Variants in IQGAP3 observed in about 807,000 individuals in gnomAD.
The protein encoded by IQGAP3 is ras GTPase-activating-like protein IQGAP3.
A neutral mutation model predicts 208.2 loss-of-function variants in IQGAP3; 165 were observed. The observed-to-expected ratio is 0.79, with a 90% confidence interval of 0.70 to 0.90. IQGAP3 has a LOEUF of 0.90. Among genes scored for constraint, IQGAP3 ranks in the 40% least tolerant of loss-of-function variants. IQGAP3 has a pLI of 0.00. For synonymous variants in IQGAP3, 703 were observed against 803.6 expected, an observed-to-expected ratio of 0.87 and a Z score of 2.12; for missense variants, 1,811 against 2,043.1, an observed-to-expected ratio of 0.89 and a Z score of 2.19.
Position 156,544,406 on chromosome 1 carries a change from G to T in IQGAP3, c.2371C>A (p.Leu791Met), listed in dbSNP as rs776340725. 8.1e-6 allele frequency: 13 copies of T among 1,613,682 alleles called. No individual in the cohort carries two copies. Among genetic ancestry groups the T allele is most frequent in the Non-Finnish European group, 1.0e-5 (12 of 1,179,730 alleles). The change falls in exon 20 of 38, where the codon CTG becomes ATG. Residue 791 changes from leucine to methionine, a missense_variant. By Grantham distance (15) the Leu-to-Met change is conservative (BLOSUM62 2). Coordinates refer to ENST00000361170, the MANE Select transcript of IQGAP3 (RefSeq NM_178229.5). ...GTAGCTACCTTGATTATGGCATCCA[G>T]GTTTGCTTTAAAATACTGCAACCAC... ...LEWLQYFKAN[L>M]DAIIKIQAWA... is the part of the protein sequence containing the mutation.
intron 2 of IQGAP3, among the ~76,000 whole-genome samples, chr1:156,568,607 C>T (rs752117425): frequency 1.6e-4 from 25 of 152,176 alleles, no homozygotes; most frequent in Admixed American, 7.2e-4. Flanking sequence ...GTGGCCTCCT[C>T]GACCTCCCAG....
intron 13 of IQGAP3, 92 bp downstream of exon 13, chr1:156,554,143 C>G: frequency 4.8e-6 from 7 of 1,450,532 alleles, no homozygotes; most frequent in Non-Finnish European, 5.6e-6. Context: ...AATGGGACAT[C>G]GTACACAAGG....
intron 13 of IQGAP3, among the ~76,000 whole-genome samples, chr1:156,552,752 C>T (rs116711026): frequency 0.011 from 1,727 of 152,328 alleles, 10 homozygotes; most frequent in Middle Eastern, 0.024. Flanking sequence ...AGTCAGTTCT[C>T]AGCACAGCAG....
intron 33 of IQGAP3, 24 bp from the exon 34 acceptor site, chr1:156,530,341 G>T (rs1286359620): frequency 6.3e-7 from 1 of 1,587,022 alleles, no homozygotes; most frequent in Non-Finnish European, 8.5e-7. Flanking sequence ...GACGCTGGAG[G>T]GGTCTACCAG....
intron 35 of IQGAP3, 88 bp downstream of exon 35, chr1:156,528,828 C>G (rs998294814): frequency 6.8e-7 from 1 of 1,479,550 alleles, no homozygotes; most frequent in African/African-American, 1.4e-5. Context: ...ATTCCCCTTT[C>G]AAAGCTGGGA....
rs762587862 is a variant in IQGAP3, at chr1:156,537,251, C to T, written c.3352G>A (p.Ala1118Thr). 1.6e-5 allele frequency: 26 copies of T among 1,613,968 alleles called. No homozygotes were observed. Among genetic ancestry groups the T allele is most frequent in the South Asian group, 7.7e-5 (7 of 91,058 alleles). ...HPEVQRRLDIALRNLLAMTDK... is the reference protein window; with the variant it reads ...HPEVQRRLDITLRNLLAMTDK... The stretch of plus-strand genomic sequence containing the variant: ...GTCATGGCGAGGAGGTTGCGTAGGG[C>T]GATGTCCAGTCGTCTCTGGACCTCG... Residue 1118 changes from alanine (A) to threonine (T), a missense_variant, in exon 27 of 38, where the codon GCC (alanine) becomes ACC (threonine). Physicochemically the swap from Ala to Thr is moderately conservative, Grantham distance 58 (BLOSUM62 0). Transcript: ENST00000361170.
intron 22 of IQGAP3, among the ~76,000 whole-genome samples, chr1:156,541,584 A>C (rs150575251): frequency 6.6e-6 from 1 of 152,322 alleles, no homozygotes; most frequent in East Asian, 1.9e-4. Context: ...TAAGTACTTT[A>C]CGTACTTAAG....
intron 32 of IQGAP3, among the ~76,000 whole-genome samples, 198 bp downstream of exon 32, chr1:156,532,782 G>A (rs1359907313): frequency 3.9e-5 from 6 of 152,130 alleles, no homozygotes; most frequent in African/African-American, 1.4e-4. Context: ...GTACAACACA[G>A]AGCAAAAAGC....
chr1:156,540,741 A>G lies in IQGAP3; in HGVS notation c.2706T>C (p.Ile902=), dbSNP rs1300731008. 1 of 1,614,006 alleles carries G rather than the reference A, an allele frequency of 6.2e-7. No individual in the cohort carries two copies. Among genetic ancestry groups the G allele is most frequent in the East Asian group, 2.2e-5 (1 of 44,890 alleles). Residue 902 remains isoleucine (I), a synonymous_variant, in exon 23 of 38, where the codon ATT becomes ATC. Coordinates refer to ENST00000361170, the MANE Select transcript of IQGAP3 (RefSeq NM_178229.5). ...TGATCCGGTTCTTCACCAGCAGGCC[A>G]ATCTTGATGTCCATGATGTTGAGGT... ...EQDLNIMDIK[I]GLLVKNRITL...
chr1:156,569,127 T>C (rs966683773), intron 2 of IQGAP3, among the ~76,000 whole-genome samples: 1 of 152,096 alleles, frequency 6.6e-6, no homozygotes, highest in African/African-American at 2.4e-5. Context: ...TTTAGTTGGA[T>C]ATTATAATGG....
chr1:156,557,549 T>C (rs1571351921), intron 11 of IQGAP3, among the ~76,000 whole-genome samples: 1 of 71,996 alleles, frequency 1.4e-5, no homozygotes, highest in Non-Finnish European at 3.0e-5. Flanking sequence ...AGCCGCCCCG[T>C]CCGGGAGGGA....
At chr1:156,564,733 A>C (rs4661184) in intron 4 of IQGAP3, 42 bp from the exon 5 acceptor site, 959,916 of 1,443,152 alleles carry the variant, frequency 0.67, 325,185 homozygotes, top group Non-Finnish European at 0.71. Context: ...GGGAACCTTT[A>C]AGCACCACCA....
At position 156,563,304 on chromosome 1, in the gene IQGAP3, C is replaced by T; in HGVS notation, c.628G>A (p.Ala210Thr). 6.3e-7 allele frequency: 1 copy of T among 1,597,944 alleles called. No individual in the cohort carries two copies. ...ACTGCTTCATTGATGGCAAGAACAG[C>T]TGCATGGACTGGGAGAGGGCATGGA... Reference protein sequence around the residue: ...LSVDEAAVHAAVLAINEAVER... With the variant: ...LSVDEAAVHATVLAINEAVER... The change falls in exon 8 of 38, where the codon GCT becomes ACT. Residue 210 changes from alanine (A) to threonine (T), a missense_variant. Transcript: ENST00000361170.
rs1435104158 is a variant in IQGAP3, at chr1:156,548,471, C to T, written c.2010G>A (p.Trp670Ter). ...TGCCATCCTTCATGTCATGTTGAACCCAGAAAGCTGTGTCTGCTAAGCAGA... is the reference window on the plus strand; with the variant it reads ...TGCCATCCTTCATGTCATGTTGAACTCAGAAAGCTGTGTCTGCTAAGCAGA... ...KKQRPADTAF[W>*]VQHDMKDGTA... The change falls in exon 18 of 38, where the codon TGG (tryptophan) becomes TGA (stop). Residue 670 changes from tryptophan to a stop codon, truncating the protein, a stop_gained. Transcript: ENST00000361170. LOFTEE classifies it high-confidence loss of function. 7.4e-6 allele frequency: 12 copies of T among 1,613,624 alleles called. No homozygotes were observed. Among genetic ancestry groups the T allele is most frequent in the Non-Finnish European group, 1.0e-5 (12 of 1,179,828 alleles).
In IQGAP3 at chr1:156,561,904, C is replaced by T. The variant is rs1676166899; in HGVS notation, c.975G>A (p.Gly325=). The part of the protein sequence containing the change: ...ALQDPALALR[G]VRRDFADWYL... ...ACCAGTCAGCAAAGTCTCTCCTCACCCCTCGCAGGGCCAGGGCAGGGTCTT... is the reference window on the plus strand; with the variant it reads ...ACCAGTCAGCAAAGTCTCTCCTCACTCCTCGCAGGGCCAGGGCAGGGTCTT... The change falls in exon 10 of 38, where the codon GGG becomes GGA. Residue 325 remains glycine (G), a synonymous_variant. Coordinates refer to ENST00000361170, the MANE Select transcript of IQGAP3 (RefSeq NM_178229.5). The T allele has an allele frequency of 6.2e-7, 1 of 1,614,068 alleles. No homozygotes were observed. The highest frequency in any genetic ancestry group is 8.5e-7 in the Non-Finnish European group (1 of 1,179,996).
In IQGAP3 at chr1:156,539,837, C is replaced by T; in HGVS notation, c.2892+1G>A. 6.2e-7 allele frequency: 1 copy of T among 1,614,212 alleles called. No homozygotes were observed. The highest frequency in any genetic ancestry group is 1.1e-5 in the South Asian group (1 of 91,082). ...TTCTCCTTGGAAAGTCCTCTGCTAA[C>T]CTGGAGCAGGTAGAAGAGGTGTTGG... On this transcript the variant is annotated splice_donor_variant, in intron 24 of 37. Transcript: ENST00000361170. LOFTEE classifies it high-confidence loss of function.
intron 22 of IQGAP3, among the ~76,000 whole-genome samples, chr1:156,543,098 A>T (rs1474475766): frequency 6.6e-6 from 1 of 152,124 alleles, no homozygotes. Context: ...TTCCAGAAAA[A>T]CCATAAACTG....
chr1:156,554,005 C>T (rs1293974471), intron 13 of IQGAP3, among the ~76,000 whole-genome samples: 1 of 152,238 alleles, frequency 6.6e-6, no homozygotes, highest in Non-Finnish European at 1.5e-5. Context: ...TGGGTCAGTA[C>T]TCAAACATCT....
rs183822124 is a variant in IQGAP3, at chr1:156,561,885, C to G, written c.994G>C (p.Asp332His). The change falls in exon 10 of 38, where the codon GAC becomes CAC. Residue 332 changes from aspartate to histidine, a missense_variant. Asp to His is a moderately conservative substitution (Grantham distance 81). Coordinates refer to ENST00000361170, the MANE Select transcript of IQGAP3 (RefSeq NM_178229.5). Reference sequence around the variant, plus strand: ...GAGTTCAGCTGCTCCAGGTACCAGTCAGCAAAGTCTCTCCTCACCCCTCGC... The same window carrying G: ...GAGTTCAGCTGCTCCAGGTACCAGTGAGCAAAGTCTCTCCTCACCCCTCGC... ...ALRGVRRDFA[D>H]WYLEQLNSDR... 1 of 1,614,112 alleles carries G rather than the reference C, an allele frequency of 6.2e-7. No individual in the cohort carries two copies. The highest frequency in any genetic ancestry group is 8.5e-7 in the Non-Finnish European group (1 of 1,180,016).
Sources: gnomAD v4.1 joint callset for allele counts (sites outside exome capture counted in the v4.1 genomes callset) on GRCh38, gnomAD v4.1.1 for gene constraint, MANE v1.5 for transcripts, NCBI Gene and HGNC (gene_info 2026-07-23, HGNC 2026-07-21) for gene names.